The following MRPS28 variants were observed in gnomAD, a reference collection of about 807,000 sequenced individuals.
MRPS28 encodes the protein mitochondrial ribosomal protein S28, also known as small ribosomal subunit protein bS1m.
Under a neutral mutation model 10.8 loss-of-function variants are expected in MRPS28, and 7 were observed. That is an observed-to-expected ratio of 0.65 (90% confidence interval 0.37 to 1.22). The LOEUF is 1.22. Ranked by LOEUF, MRPS28 falls within the 50% of genes most tolerant of loss-of-function variation. MRPS28 has a pLI of 0.02. For missense variants in MRPS28, 265 were observed against 232.9 expected, an observed-to-expected ratio of 1.14 and a Z score of -0.90; for synonymous variants, 121 against 93.3, an observed-to-expected ratio of 1.30 and a Z score of -1.71.
intron 1 of MRPS28, among the ~76,000 whole-genome samples, chr8:80,004,223 G>A (rs1050031643): frequency 3.9e-5 from 6 of 152,162 alleles, no homozygotes; most frequent in African/African-American, 1.4e-4. Flanking sequence ...TAGCCTAACT[G>A]GGAGGCACCC....
intron 1 of MRPS28, among the ~76,000 whole-genome samples, chr8:80,024,059 T>C (rs1203994795): frequency 6.6e-6 from 1 of 151,758 alleles, no homozygotes; most frequent in African/African-American, 2.4e-5. Flanking sequence ...CAAAACCCCA[T>C]CTCTACAAAA....
chr8:79,919,008 C>T lies in MRPS28; in HGVS notation c.536G>A (p.Arg179Lys). Residue 179 changes from arginine to lysine, a missense_variant, in exon 3 of 3, where the codon AGA becomes AAA. Arg to Lys is a conservative substitution (Grantham distance 26). Transcript: ENST00000276585. ...TTTTTCATGATGTTCTTCTTTCGAT[C>T]TTGAGTCTTTACTCTCCTGGATTCC... ...LLGIQESKDS[R>K]SKEEHHEK 6.4e-7 allele frequency: 1 copy of T among 1,573,910 alleles called. No individual in the cohort carries two copies. Among genetic ancestry groups the T allele is most frequent in the Non-Finnish European group, 8.6e-7 (1 of 1,164,270 alleles).
chr8:79,959,300 T>C (rs531020114), intron 2 of MRPS28, among the ~76,000 whole-genome samples: 1 of 152,222 alleles, frequency 6.6e-6, no homozygotes, highest in South Asian at 2.1e-4. Flanking sequence ...GCTAGAGATC[T>C]TTATTATAAA....
In MRPS28 at chr8:79,919,083, A is replaced by C. The variant is rs1810000331; in HGVS notation, c.461T>G (p.Leu154Arg). The C allele has an allele frequency of 6.2e-7, 1 of 1,611,760 alleles. No individual in the cohort carries two copies. The highest frequency in any genetic ancestry group is 8.5e-7 in the Non-Finnish European group (1 of 1,178,940). The change falls in exon 3 of 3, where the codon CTG becomes CGG. Residue 154 changes from leucine (L) to arginine (R), a missense_variant. Physicochemically the swap from Leu to Arg is moderately radical, Grantham distance 102. Transcript: ENST00000276585. ...LLDLELTSRF[L>R]GATTDTTVLE... ...TACAGTTGTATCTGTTGTTGCTCCC[A>C]GGAACCTAGACGTAAGTTCAAGATC...
intron 1 of MRPS28, among the ~76,000 whole-genome samples, chr8:80,010,413 CTT>C (rs1190287975): frequency 1.3e-5 from 2 of 152,152 alleles, no homozygotes; most frequent in Non-Finnish European, 2.9e-5. Context: ...ATATTTGTGA[CTT>C]AAGTTTAATG....
At chr8:80,001,586 C>T (rs933132161) in intron 2 of MRPS28, among the ~76,000 whole-genome samples, 9 of 152,216 alleles carry the variant, frequency 5.9e-5, no homozygotes, top group African/African-American at 2.2e-4. Flanking sequence ...TAGCCGTTTA[C>T]ATAACAGATA....
intron 2 of MRPS28, chr8:79,958,295 A>C (rs913305064): frequency 1.4e-5 from 9 of 664,874 alleles, no homozygotes; most frequent in Non-Finnish European, 2.4e-5. Flanking sequence ...TTCATTTGGC[A>C]TAATGTTTTC....
intron 2 of MRPS28, among the ~76,000 whole-genome samples, chr8:79,941,568 C>G (rs1406579833): frequency 6.6e-6 from 1 of 152,120 alleles, no homozygotes; most frequent in Non-Finnish European, 1.5e-5. Flanking sequence ...GTCACATAGT[C>G]TAATTTCCTG....
intron 1 of MRPS28, among the ~76,000 whole-genome samples, chr8:80,023,533 T>G (rs1048000674): frequency 6.6e-6 from 1 of 152,130 alleles, no homozygotes; most frequent in African/African-American, 2.4e-5. Context: ...AATAAAAATA[T>G]TCACAAAAAA....
intron 2 of MRPS28, among the ~76,000 whole-genome samples, chr8:79,921,881 C>T (rs1427141578): frequency 6.6e-6 from 1 of 152,158 alleles, no homozygotes; most frequent in Non-Finnish European, 1.5e-5. Flanking sequence ...GGGAATGCTT[C>T]CAGTTTTTGC....
intron 2 of MRPS28, among the ~76,000 whole-genome samples, chr8:79,928,455 A>ATT (rs1554568406): frequency 1.3e-5 from 2 of 151,678 alleles, no homozygotes; most frequent in Non-Finnish European, 2.9e-5. Flanking sequence ...ATATATATAT[A>ATT]TTTTTTGAGA....
intron 2 of MRPS28, among the ~76,000 whole-genome samples, chr8:79,949,614 T>C (rs1022679822): frequency 3.9e-5 from 6 of 152,174 alleles, no homozygotes; most frequent in Non-Finnish European, 8.8e-5. Context: ...TAATCAGATA[T>C]TATGTAGTAT....
At chr8:79,989,350 T>C (rs1381173543) in intron 2 of MRPS28, among the ~76,000 whole-genome samples, 3 of 152,202 alleles carry the variant, frequency 2.0e-5, no homozygotes, top group Non-Finnish European at 4.4e-5. Flanking sequence ...TTTATACGGT[T>C]TAAACTAAGG....
At chr8:79,945,788 A>G (rs1806898491) in intron 2 of MRPS28, among the ~76,000 whole-genome samples, 1 of 152,236 alleles carries the variant, frequency 6.6e-6, no homozygotes, top group African/African-American at 2.4e-5. Flanking sequence ...TGTATAATCT[A>G]AAAAGTTATG....
At chr8:79,981,853 T>G (rs1341491111) in intron 2 of MRPS28, among the ~76,000 whole-genome samples, 1 of 152,248 alleles carries the variant, frequency 6.6e-6, no homozygotes, top group Non-Finnish European at 1.5e-5. Context: ...AACATTATAA[T>G]ATGCTCAATC....
intron 2 of MRPS28, among the ~76,000 whole-genome samples, chr8:79,936,278 A>G (rs935331629): frequency 3.3e-5 from 5 of 152,092 alleles, no homozygotes; most frequent in Non-Finnish European, 7.4e-5. Flanking sequence ...ACAGTGAGCT[A>G]TGATTGTGCC....
intron 2 of MRPS28, among the ~76,000 whole-genome samples, chr8:79,974,150 G>A (rs1468171661): frequency 6.6e-6 from 1 of 152,138 alleles, no homozygotes; most frequent in Non-Finnish European, 1.5e-5. Context: ...CTAATCTCCA[G>A]ACAATGGTGG....
chr8:80,002,180 C>T (rs1455316398), intron 2 of MRPS28, among the ~76,000 whole-genome samples: 4 of 152,030 alleles, frequency 2.6e-5, no homozygotes, highest in East Asian at 1.9e-4. Context: ...GTAGACTCTT[C>T]GCCTTTCATT....
intron 2 of MRPS28, among the ~76,000 whole-genome samples, chr8:79,931,767 T>C (rs1003385720): frequency 3.3e-5 from 5 of 152,226 alleles, no homozygotes; most frequent in Non-Finnish European, 5.9e-5. Context: ...AGCTGACTAA[T>C]TGACTAGCAG....
Sources: gnomAD v4.1 joint callset for allele counts (sites outside exome capture counted in the v4.1 genomes callset) on GRCh38, gnomAD v4.1.1 for gene constraint, MANE v1.5 for transcripts, NCBI Gene and HGNC (gene_info 2026-07-23, HGNC 2026-07-21) for gene names.